The following DNASE1 variants were observed in gnomAD, a reference collection of about 807,000 sequenced individuals.
DNASE1 encodes the protein deoxyribonuclease 1.
In DNASE1, 40 loss-of-function variants were observed where a neutral mutation model predicts 33.9. That is an observed-to-expected ratio of 1.18 (90% confidence interval 0.92 to 1.54). The LOEUF is 1.54. DNASE1 is among the 40% of genes most tolerant of loss of function. The pLI is 0.00. For synonymous variants in DNASE1, 216 were observed against 160.0 expected (o/e 1.35, Z -2.64); for missense variants, 518 against 372.6 (o/e 1.39, Z -3.21).
chr16:3,621,836 G>A (rs2041325032), intron 1 of DNASE1, among the ~76,000 whole-genome samples: 3 of 152,150 alleles, frequency 2.0e-5, no homozygotes, highest in African/African-American at 4.8e-5. Context: ...ACATATATTT[G>A]TAGGATATTC....
At chr16:3,641,281 G>A (rs1388321530), upstream of DNASE1, 2 of 215,536 alleles carry the variant, frequency 9.3e-6, no homozygotes, top group African/African-American at 2.3e-5. Context: ...AACCAGTGCC[G>A]CTCCCCAGAG....
In DNASE1 at chr16:3,613,720, A is replaced by G. The variant is rs141285530; in HGVS notation, c.-1359+1714A>G. ...GACTGAGTGACGACATGGAGAGGCC[A>G]GTGCTGTTGAAATAATTTCTCTTTC... On this transcript the variant is annotated intron_variant and NMD_transcript_variant, in intron 1 of 11. Transcript: ENST00000570769. Among the ~76,000 whole-genome samples, 490 of 152,236 alleles carry G rather than the reference A, an allele frequency of 3.2e-3. 4 individuals are homozygous for G. Among genetic ancestry groups the G allele is most frequent in the Middle Eastern group, 6.8e-3 (2 of 294 alleles).
upstream of DNASE1, among the ~76,000 whole-genome samples, chr16:3,642,102 G>A (rs12919723): frequency 3.9e-5 from 6 of 152,298 alleles, no homozygotes; most frequent in Middle Eastern, 3.4e-3. Context: ...TGCTGGGCTC[G>A]GGGTGGGAGC....
chr16:3,658,224 C>G (rs371641134), downstream of DNASE1: 10 of 1,613,400 alleles, frequency 6.2e-6, no homozygotes, highest in African/African-American at 1.3e-5. Context: ...ATGGCGTTCT[C>G]GTATATCTGA....
chr16:3,622,854 C>G (rs921895201), intron 1 of DNASE1, among the ~76,000 whole-genome samples: 3 of 152,180 alleles, frequency 2.0e-5, no homozygotes, highest in Non-Finnish European at 4.4e-5. Context: ...GTGTTTGACT[C>G]ACCTTTACGT....
chr16:3,645,353 G>A (rs735830), intron 1 of DNASE1, among the ~76,000 whole-genome samples: 32,748 of 152,082 alleles, frequency 0.22, 3,628 homozygotes, highest in East Asian at 0.29. Context: ...TTTTCATTGC[G>A]ACCCTTGTTG....
chr16:3,615,445 T>G (rs922534763), intron 1 of DNASE1, among the ~76,000 whole-genome samples: 1 of 152,120 alleles, frequency 6.6e-6, no homozygotes, highest in Admixed American at 6.5e-5. Flanking sequence ...TCACCCAGTA[T>G]GACTAAGTTG....
chr16:3,662,616 C>G, downstream of DNASE1: 1 of 654,008 alleles, frequency 1.5e-6, no homozygotes, highest in Middle Eastern at 2.4e-4. Context: ...TCAGCCATTG[C>G]AGCTCCCACT....
At chr16:3,657,157 C>T in intron 6 of DNASE1, 30 bp from the exon 7 acceptor site, 2 of 1,614,138 alleles carry the variant, frequency 1.2e-6, no homozygotes, top group Non-Finnish European at 1.7e-6. Context: ...CTCCGCATGT[C>T]CCAGGGCCAC....
intron 1 of DNASE1, among the ~76,000 whole-genome samples, chr16:3,619,361 T>G (rs571709367): frequency 1.3e-5 from 2 of 149,576 alleles, no homozygotes; most frequent in African/African-American, 4.9e-5. Flanking sequence ...TTCTTTCTTT[T>G]ATTTTTTATT....
chr16:3,622,886 T>C (rs2041372871), intron 1 of DNASE1, among the ~76,000 whole-genome samples: 1 of 152,246 alleles, frequency 6.6e-6, no homozygotes, highest in Non-Finnish European at 1.5e-5. Flanking sequence ...TGCCTTGTAA[T>C]GAACAAAGGT....
At chr16:3,621,539 A>G (rs148463787) in intron 1 of DNASE1, among the ~76,000 whole-genome samples, 247 of 152,286 alleles carry the variant, frequency 1.6e-3, no homozygotes, top group African/African-American at 5.5e-3. Context: ...CTGTGCACAT[A>G]CAAATATAAA....
intron 1 of DNASE1, among the ~76,000 whole-genome samples, chr16:3,632,774 C>T (rs1053718799): frequency 3.9e-5 from 6 of 151,906 alleles, no homozygotes; most frequent in South Asian, 4.1e-4. Context: ...TTAGTAAAGA[C>T]GGGGTTTTAC....
upstream of DNASE1, chr16:3,652,878 TC>T (rs2042381667): frequency 6.6e-6 from 1 of 152,480 alleles, no homozygotes; most frequent in East Asian, 1.9e-4. Flanking sequence ...CATACCTGAA[TC>T]CCGCCTGGAC....
At chr16:3,644,162 G>T (rs557427110) in intron 1 of DNASE1, among the ~76,000 whole-genome samples, 32 of 152,346 alleles carry the variant, frequency 2.1e-4, no homozygotes, top group African/African-American at 6.5e-4. Context: ...TTAAAATTCA[G>T]CCAGGTGCAG....
At chr16:3,661,581 G>T (rs151026140), downstream of DNASE1, 1 of 171,410 alleles carries the variant, frequency 5.8e-6, no homozygotes. Context: ...GACATTATTC[G>T]GCTATGAAAA....
At chr16:3,663,024 A>C, downstream of DNASE1, 1 of 1,402,044 alleles carries the variant, frequency 7.1e-7, no homozygotes, top group Non-Finnish European at 9.7e-7. Flanking sequence ...CCCGGCTTCC[A>C]TGGGGGCCAC....
chr16:3,637,222 T>C (rs1466392417), intron 1 of DNASE1, among the ~76,000 whole-genome samples: 9 of 152,346 alleles, frequency 5.9e-5, no homozygotes, highest in Admixed American at 2.6e-4. Flanking sequence ...GTCTGCTGTT[T>C]GCTGTAACTA....
At chr16:3,613,437 T>A (rs1300752423) in intron 1 of DNASE1, among the ~76,000 whole-genome samples, 1 of 152,244 alleles carries the variant, frequency 6.6e-6, no homozygotes, top group Non-Finnish European at 1.5e-5. Context: ...ACATTCGTGT[T>A]CATAACACAA....
Sources: gnomAD v4.1 joint callset for allele counts (sites outside exome capture counted in the v4.1 genomes callset) on GRCh38, gnomAD v4.1.1 for gene constraint, MANE v1.5 for transcripts, NCBI Gene and HGNC (gene_info 2026-07-23, HGNC 2026-07-21) for gene names.